The following EPRS1 variants were observed in gnomAD, a reference collection of about 807,000 sequenced individuals.
EPRS1 encodes the protein glutamyl-prolyl-tRNA synthetase 1, also known as bifunctional glutamate/proline--tRNA ligase.
A neutral mutation model predicts 188.3 loss-of-function variants in EPRS1; 107 were observed. The observed-to-expected ratio is 0.57, with a 90% CI of 0.49 to 0.67. EPRS1 has a LOEUF of 0.67. Ranked by LOEUF, EPRS1 falls within the 30% of genes least tolerant of loss-of-function variation. The probability of loss-of-function intolerance (pLI) is 0.00; values close to 1 mark genes in which losing one functional copy is unlikely to be tolerated. For synonymous variants in EPRS1, 596 were observed against 593.1 expected (o/e 1.00, Z -0.07); for missense variants, 1,577 against 1,802.2 (o/e 0.88, Z 2.26).
intron 2 of EPRS1, among the ~76,000 whole-genome samples, chr1:220,039,106 G>A (rs546422678): frequency 1.3e-5 from 2 of 152,308 alleles, no homozygotes; most frequent in South Asian, 4.1e-4. Flanking sequence ...CTGATTCTGA[G>A]GTAGCTTCTA....
chr1:220,039,929 G>A (rs572649445), intron 2 of EPRS1, among the ~76,000 whole-genome samples: 10 of 152,316 alleles, frequency 6.6e-5, no homozygotes, highest in African/African-American at 1.9e-4. Flanking sequence ...CCAGGGGTTC[G>A]AAACTGGGCT....
chr1:219,978,539 A>T lies in EPRS1; in HGVS notation c.4083+7T>A, dbSNP rs1660822371. 2 of 1,553,712 alleles carry T rather than the reference A, an allele frequency of 1.3e-6. No homozygotes were observed. The highest frequency in any genetic ancestry group is 2.8e-5 in the African/African-American group (2 of 72,686). ...TTGGGGGTAAAAGATAAAGCTTAGGAATTTACCTTGAGCTCCCAGTGATTG... is the reference window on the plus strand; with the variant it reads ...TTGGGGGTAAAAGATAAAGCTTAGGTATTTACCTTGAGCTCCCAGTGATTG... On this transcript the variant is annotated splice_region_variant and intron_variant, in intron 28 of 31. Transcript: ENST00000366923.
chr1:220,018,158 A>G, intron 12 of EPRS1: 1 of 1,376,662 alleles, frequency 7.3e-7, no homozygotes, highest in Non-Finnish European at 9.6e-7. Context: ...TTGAAAGCAG[A>G]AAAATGAAAT....
At chr1:219,975,295 C>T (rs973469580) in intron 28 of EPRS1, among the ~76,000 whole-genome samples, 6 of 152,086 alleles carry the variant, frequency 3.9e-5, no homozygotes, top group Admixed American at 6.5e-5. Context: ...GCAATGGCAA[C>T]GAGAGATTGG....
At position 219,987,179 on chromosome 1, in the gene EPRS1, C is replaced by T. The variant is rs1661021788; in HGVS notation, c.3001G>A (p.Gly1001Arg). 1 of 1,613,748 alleles carries T rather than the reference C, an allele frequency of 6.2e-7. No homozygotes were observed. Among genetic ancestry groups the T allele is most frequent in the Non-Finnish European group, 8.5e-7 (1 of 1,179,978 alleles). Reference sequence around the variant, plus strand: ...TTAGGCCCCTGCCCTTCTCCTGCTCCACTTGATGAGAGCCCACCTCCTTGG... The same window carrying T: ...TTAGGCCCCTGCCCTTCTCCTGCTCTACTTGATGAGAGCCCACCTCCTTGG... ...KNQGGGLSSS[G>R]AGEGQGPKKQ... The change falls in exon 20 of 32, where the codon GGA becomes AGA. Residue 1001 changes from glycine (G) to arginine (R), a missense_variant. Gly to Arg is a moderately radical substitution (Grantham distance 125). Around this residue, in one of 3 missense-constraint regions of EPRS1, gnomAD observed 1,278 missense variants for 1,457.4 expected, o/e 0.88. Coordinates refer to ENST00000366923, the MANE Select transcript of EPRS1 (RefSeq NM_004446.3).
intron 18 of EPRS1, among the ~76,000 whole-genome samples, chr1:219,993,355 C>T (rs1449700855): frequency 6.6e-6 from 1 of 152,162 alleles, no homozygotes; most frequent in African/African-American, 2.4e-5. Context: ...TTATTTTATG[C>T]AGCAACCTAC....
chr1:219,972,519 C>G (rs1410562948), intron 29 of EPRS1, among the ~76,000 whole-genome samples: 1 of 152,092 alleles, frequency 6.6e-6, no homozygotes, highest in Non-Finnish European at 1.5e-5. Flanking sequence ...ATATATATAT[C>G]TTTTATCAAT....
chr1:219,992,698 G>A (rs557051017), intron 18 of EPRS1, among the ~76,000 whole-genome samples: 1 of 152,126 alleles, frequency 6.6e-6, no homozygotes, highest in African/African-American at 2.4e-5. Flanking sequence ...AGGCCGAGGC[G>A]GGTGGATCAC....
intron 30 of EPRS1, among the ~76,000 whole-genome samples, chr1:219,971,439 G>A (rs917960686): frequency 1.3e-5 from 2 of 151,990 alleles, no homozygotes; most frequent in East Asian, 3.9e-4. Flanking sequence ...TGAAAAACAG[G>A]CTTAGAATAA....
intron 19 of EPRS1, 54 bp downstream of exon 19, chr1:219,988,536 A>G (rs1424506427): frequency 8.1e-7 from 1 of 1,237,142 alleles, no homozygotes; most frequent in Non-Finnish European, 1.2e-6. Flanking sequence ...TGAGGCAAAG[A>G]CAATACCCTG....
At chr1:219,986,789 G>GTGTA (rs1558045931) in intron 20 of EPRS1, among the ~76,000 whole-genome samples, 1 of 151,734 alleles carries the variant, frequency 6.6e-6, no homozygotes, top group African/African-American at 2.4e-5. Context: ...ATGTATGTGT[G>GTGTA]TGTGTGTGTG....
At chr1:219,970,521 G>C (rs1660644567) in intron 30 of EPRS1, among the ~76,000 whole-genome samples, 1 of 152,056 alleles carries the variant, frequency 6.6e-6, no homozygotes, top group African/African-American at 2.4e-5. Context: ...GCTCACGCCT[G>C]TAATCCCAGC....
chr1:220,043,870 G>T (rs933201956), intron 1 of EPRS1, among the ~76,000 whole-genome samples: 3 of 152,200 alleles, frequency 2.0e-5, no homozygotes, highest in Admixed American at 2.0e-4. Flanking sequence ...TGCAAACAAA[G>T]CATAATACGG....
intron 12 of EPRS1, among the ~76,000 whole-genome samples, chr1:220,014,674 A>G (rs948130238): frequency 6.6e-6 from 1 of 152,218 alleles, no homozygotes; most frequent in East Asian, 1.9e-4. Flanking sequence ...CTAATCCTTG[A>G]GAAAAGATAT....
In EPRS1 at chr1:220,038,890, A is replaced by C. The variant is rs192109337; in HGVS notation, c.131+1295T>G. On this transcript the variant is annotated intron_variant, in intron 2 of 31. Coordinates refer to ENST00000366923, the MANE Select transcript of EPRS1 (RefSeq NM_004446.3). ...GGTAATATCTTGAAGCTGCCCTCAG[A>C]AGAGCAGGTGAAGTCTGTCTGAGCT... 5.1e-3 allele frequency among the ~76,000 whole-genome samples: 770 copies of C among 152,258 alleles called. 4 individuals carry two copies. Among genetic ancestry groups the C allele is most frequent in the African/African-American group, 0.018 (747 of 41,550 alleles).
chr1:220,037,575 C>T (rs186496940), intron 2 of EPRS1, among the ~76,000 whole-genome samples: 16 of 150,940 alleles, frequency 1.1e-4, no homozygotes, highest in African/African-American at 3.4e-4. Flanking sequence ...AAGGACTAAT[C>T]CCAACATCCA....
chr1:220,020,892 CT>C (rs148502385), intron 9 of EPRS1, among the ~76,000 whole-genome samples: 8,595 of 123,142 alleles, frequency 0.07, 909 homozygotes, highest in African/African-American at 0.23. Context: ...TGCTTTCTTT[CT>C]TTTTTTTTGG....
At chr1:220,032,241 A>ATTT (rs57738676) in intron 5 of EPRS1, 146 bp downstream of exon 5, 7 of 415,518 alleles carry the variant, frequency 1.7e-5, no homozygotes, top group South Asian at 4.5e-5. Context: ...CGCCCGGCTA[A>ATTT]TTTTTTTTTT....
rs972462365 is a variant in EPRS1, at chr1:220,020,583, C to CT, written c.1116-363dup. Among the ~76,000 whole-genome samples, 45 of 149,894 alleles carry CT rather than the reference C, an allele frequency of 3.0e-4. No individual in the cohort carries two copies. The South Asian group carries it at 5.9e-3, about 20-fold the overall frequency. On this transcript the variant is annotated intron_variant, in intron 9 of 31. Coordinates refer to ENST00000366923, the MANE Select transcript of EPRS1 (RefSeq NM_004446.3). ...TTAAGGAAATTTAGCTTTTGAACAT[C>CT]TTTTTTTTTGAGACGGAGTCTCACT...
Sources: allele counts gnomAD v4.1 joint callset (sites outside exome capture counted in the v4.1 genomes callset), GRCh38; gene constraint gnomAD v4.1.1; regional missense constraint gnomAD v4.1.1; transcripts MANE v1.5; gene names NCBI Gene and HGNC (gene_info 2026-07-23, HGNC 2026-07-21).